PDE4D: variants seen among roughly 807,000 people sequenced by gnomAD.
The protein encoded by PDE4D is 3',5'-cyclic-AMP phosphodiesterase 4D.
Under a neutral mutation model 87.4 loss-of-function variants are expected in PDE4D, and 24 were observed. That is an observed-to-expected ratio of 0.27 (90% confidence interval 0.20 to 0.39). The LOEUF is 0.39. Among genes scored for constraint, PDE4D ranks in the 10% least tolerant of loss-of-function variants. PDE4D has a pLI of 1.00. For synonymous variants in PDE4D, 384 were observed against 383.2 expected, an observed-to-expected ratio of 1.00 and a Z score of -0.02; for missense variants, 714 against 1,041.0, an observed-to-expected ratio of 0.69 and a Z score of 4.32.
rs536766110 is a variant in PDE4D at position 60,091,754 on chromosome 5, T to C, written c.42+93803A>G. ...ACCTATATACCTATCAGTAGATGAATGGATAAAGAAAATGTGGGCCGGGCG... is the reference window on the plus strand; with the variant it reads ...ACCTATATACCTATCAGTAGATGAACGGATAAAGAAAATGTGGGCCGGGCG... On this transcript the variant is annotated intron_variant, in intron 2 of 16. Coordinates refer to the PDE4D transcript ENST00000502484. Among the ~76,000 whole-genome samples the C allele has an allele frequency of 1.1e-4, 17 of 152,128 alleles. No individual in the cohort carries two copies. In the East Asian group the frequency reaches 3.1e-3, roughly 28 times the overall value.
intron 1 of PDE4D, among the ~76,000 whole-genome samples, chr5:59,621,010 C>T (rs1463741535): frequency 6.7e-6 from 1 of 148,162 alleles, no homozygotes; most frequent in Non-Finnish European, 1.5e-5. Context: ...CTCATTTCCT[C>T]TTTTTTTTTT....
chr5:59,746,823 G>A (rs1759678514), intron 1 of PDE4D, among the ~76,000 whole-genome samples: 1 of 150,832 alleles, frequency 6.6e-6, no homozygotes, highest in Non-Finnish European at 1.5e-5. Flanking sequence ...CCACATGTTT[G>A]TACCTCTGCC....
At chr5:60,161,506 A>C (rs1782473455) in intron 2 of PDE4D, among the ~76,000 whole-genome samples, 1 of 152,158 alleles carries the variant, frequency 6.6e-6, no homozygotes, top group Non-Finnish European at 1.5e-5. Flanking sequence ...ATTTCACTTG[A>C]AAACGGTCTT....
chr5:59,130,904 G>A (rs550543900), intron 5 of PDE4D, among the ~76,000 whole-genome samples: 2 of 152,184 alleles, frequency 1.3e-5, no homozygotes, highest in African/African-American at 4.8e-5. Context: ...CCAGACTATT[G>A]AGTAAAGTTA....
intron 1 of PDE4D, among the ~76,000 whole-genome samples, chr5:59,400,579 G>C (rs926904570): frequency 7.8e-6 from 1 of 127,746 alleles, no homozygotes; most frequent in African/African-American, 3.0e-5. Context: ...TCTGGGGACT[G>C]CTGTGGGGTG....
intron 1 of PDE4D, among the ~76,000 whole-genome samples, chr5:59,311,518 A>G (rs1165926471): frequency 1.3e-5 from 2 of 150,440 alleles, no homozygotes; most frequent in Non-Finnish European, 3.0e-5. Flanking sequence ...AAAAAAAAAA[A>G]AAAAAAAACA....
At chr5:60,293,128 T>A (rs777878413) in intron 1 of PDE4D, among the ~76,000 whole-genome samples, 7 of 150,872 alleles carry the variant, frequency 4.6e-5, no homozygotes, top group African/African-American at 7.3e-5. Context: ...TGCCTCAACC[T>A]CCCCTTATCA....
chr5:59,029,416 C>CAAAA lies in PDE4D; in HGVS notation c.921+9439_921+9442dup, dbSNP rs34120574. Among the ~76,000 whole-genome samples the CAAAA allele has an allele frequency of 2.4e-3, 209 of 86,018 alleles. 1 individual carries two copies. The highest frequency in any genetic ancestry group is 3.9e-3 in the South Asian group (8 of 2,050). 56.4% of individuals were successfully genotyped at this position (86,018 alleles called of 152,430 possible). On this transcript the variant is annotated intron_variant, in intron 6 of 14. Coordinates refer to ENST00000340635, the MANE Select transcript of PDE4D (RefSeq NM_001104631.2). ...TGGGCAACAGAGCGAGACTCCATCA[C>CAAAA]AAAAAAAAAAAAAAAAAAAAACTTA...
At chr5:60,496,035 T>A (rs1165368707) in intron 1 of PDE4D, among the ~76,000 whole-genome samples, 1 of 152,166 alleles carries the variant, frequency 6.6e-6, no homozygotes, top group African/African-American at 2.4e-5. Context: ...GAGAAGTGAA[T>A]CCCAAACCTG....
chr5:59,596,975 AAC>A (rs1483568286), intron 1 of PDE4D, among the ~76,000 whole-genome samples: 3 of 152,166 alleles, frequency 2.0e-5, no homozygotes, highest in Non-Finnish European at 4.4e-5. Context: ...AAAGAACAGA[AAC>A]ACAGAGACAA....
At chr5:59,236,205 T>C (rs932127766) in intron 1 of PDE4D, among the ~76,000 whole-genome samples, 3 of 152,136 alleles carry the variant, frequency 2.0e-5, no homozygotes, top group Non-Finnish European at 4.4e-5. Context: ...TGGGCAGGAA[T>C]GTATTTATAA....
chr5:59,001,036 G>C (rs1750434626), intron 6 of PDE4D, among the ~76,000 whole-genome samples: 1 of 152,170 alleles, frequency 6.6e-6, no homozygotes, highest in African/African-American at 2.4e-5. Flanking sequence ...AAAGGAATGA[G>C]TGGCTCTTAG....
At chr5:59,156,375 G>A (rs1173152033) in intron 5 of PDE4D, among the ~76,000 whole-genome samples, 2 of 140,796 alleles carry the variant, frequency 1.4e-5, no homozygotes, top group African/African-American at 5.4e-5. Flanking sequence ...GTGTGTGTGT[G>A]TCTTATTCTC....
chr5:59,777,766 T>A (rs1241746474), intron 1 of PDE4D, among the ~76,000 whole-genome samples: 1 of 152,230 alleles, frequency 6.6e-6, no homozygotes, highest in Non-Finnish European at 1.5e-5. Context: ...TTATAATAAA[T>A]CATGCAATTT....
intron 5 of PDE4D, among the ~76,000 whole-genome samples, chr5:59,081,261 C>T (rs891054600): frequency 6.6e-6 from 1 of 152,010 alleles, no homozygotes; most frequent in African/African-American, 2.4e-5. Flanking sequence ...ATGAGAACTA[C>T]AAAACTATTA....
chr5:59,738,291 T>TACATGCATC (rs1758361735), intron 1 of PDE4D, among the ~76,000 whole-genome samples: 3 of 152,132 alleles, frequency 2.0e-5, no homozygotes, highest in Non-Finnish European at 2.9e-5. Flanking sequence ...ATGTATTCTG[T>TACATGCATC]TGTCAGATTT....
chr5:60,265,385 C>G (rs1750089681), intron 1 of PDE4D, among the ~76,000 whole-genome samples: 1 of 152,186 alleles, frequency 6.6e-6, no homozygotes, highest in South Asian at 2.1e-4. Flanking sequence ...GGAACCAAAA[C>G]CCACTCCTCA....
chr5:60,292,185 T>C (rs1257644057), intron 1 of PDE4D, among the ~76,000 whole-genome samples: 1 of 152,142 alleles, frequency 6.6e-6, no homozygotes, highest in Non-Finnish European at 1.5e-5. Flanking sequence ...ATTTAAAGAA[T>C]AAAATTTTTA....
At chr5:59,538,369 C>T (rs72769711) in intron 1 of PDE4D, among the ~76,000 whole-genome samples, 29,873 of 152,104 alleles carry the variant, frequency 0.2, 3,452 homozygotes, top group Non-Finnish European at 0.27. Flanking sequence ...CTTCTCAGAC[C>T]CTACTAGCCC....
Sources: gnomAD v4.1 joint callset for allele counts (sites outside exome capture counted in the v4.1 genomes callset) on GRCh38, gnomAD v4.1.1 for gene constraint, MANE v1.5 for transcripts, NCBI Gene and HGNC (gene_info 2026-07-23, HGNC 2026-07-21) for gene names.